Variants in FANCD2 observed in about 807,000 individuals in gnomAD.
The protein encoded by FANCD2 is FA complementation group D2.
Under a neutral mutation model 192.3 loss-of-function variants are expected in FANCD2, and 131 were observed. The ratio of observed to expected loss-of-function variants is 0.68; its 90% CI spans 0.59 to 0.79. The LOEUF is 0.79. FANCD2 is among the 30% of genes least tolerant of loss of function. The pLI is 0.00. For synonymous variants in FANCD2, 524 were observed against 612.5 expected, an observed-to-expected ratio of 0.86 and a Z score of 2.13; for missense variants, 1,508 against 1,701.6, an observed-to-expected ratio of 0.89 and a Z score of 2.00.
intron 9 of FANCD2, 174 bp downstream of exon 9, chr3:10,040,019 G>T: frequency 3.5e-6 from 2 of 569,224 alleles, no homozygotes; most frequent in Non-Finnish European, 6.0e-6. Flanking sequence ...TATTTGAATA[G>T]ATCCACATAC....
chr3:10,101,374 C>CCA lies in FANCD2; in HGVS notation c.*113_*114insAC. On this transcript the variant is annotated 3_prime_UTR_variant, in exon 44 of 44. Transcript: ENST00000675286. Reference sequence around the variant, plus strand: ...CTTACTGGTAGGATCCTTTTTTGTTCCTCTTTTTTTTTTTTTTTTTTTTTT... The same window carrying CCA: ...CTTACTGGTAGGATCCTTTTTTGTTCCACTCTTTTTTTTTTTTTTTTTTTTTT... 1 of 577,312 alleles carries CCA rather than the reference C, an allele frequency of 1.7e-6. No individual in the cohort carries two copies. The highest frequency in any genetic ancestry group is 3.0e-6 in the Non-Finnish European group (1 of 337,848). The allele number at this position is 577,312 out of a possible 1,614,324, so 35.8% of individuals were successfully genotyped here. A position where few individuals can be genotyped will look rare whatever the true frequency, so the allele number is the denominator to read the frequency against.
At chr3:10,088,805 C>A in intron 35 of FANCD2, 23 bp from the exon 36 acceptor site, 4 of 1,613,346 alleles carry the variant, frequency 2.5e-6, no homozygotes, top group Non-Finnish European at 3.4e-6. Context: ...ATTAGTGGGT[C>A]AAATATTTGA....
At chr3:10,031,627 C>A (rs7648104) in intron 2 of FANCD2, among the ~76,000 whole-genome samples, 29,969 of 151,768 alleles carry the variant, frequency 0.2, 3,463 homozygotes, top group African/African-American at 0.32. Flanking sequence ...TTTCTTATTT[C>A]TTTTTATGGG....
chr3:10,037,207 C>T (rs893089405), intron 7 of FANCD2, among the ~76,000 whole-genome samples: 5 of 151,932 alleles, frequency 3.3e-5, no homozygotes, highest in Non-Finnish European at 7.4e-5. Context: ...AGACAGTTTA[C>T]AAAGAAGAAA....
intron 34 of FANCD2, 60 bp downstream of exon 34, chr3:10,087,324 A>T (rs2125073581): frequency 3.3e-6 from 5 of 1,501,074 alleles, no homozygotes; most frequent in African/African-American, 1.5e-5. Context: ...AATATCTCAC[A>T]CTTACAAACT....
intron 36 of FANCD2, among the ~76,000 whole-genome samples, chr3:10,090,003 A>G (rs906854943): frequency 2.0e-5 from 3 of 152,230 alleles, no homozygotes; most frequent in African/African-American, 7.2e-5. Flanking sequence ...ACGTGCAATA[A>G]AATAAACATA....
chr3:10,035,158 C>A lies in FANCD2; in HGVS notation c.378-15C>A, dbSNP rs749060270. ...GGAAAGCAAAGTGGAAAACAGATTT[C>A]TTTTTTTTTTACAGTATGGGTGCAT... On this transcript the variant is annotated splice_polypyrimidine_tract_variant and intron_variant, in intron 5 of 43. Transcript: ENST00000675286. The A allele has an allele frequency of 4.2e-6, 6 of 1,435,768 alleles. No homozygotes were observed. Among genetic ancestry groups the A allele is most frequent in the Non-Finnish European group, 5.7e-6 (6 of 1,046,336 alleles). The allele number at this position is 1,435,768 out of a possible 1,614,324, so 88.9% of individuals were successfully genotyped here. A position where few individuals can be genotyped will look rare whatever the true frequency, so the allele number is the denominator to read the frequency against.
At chr3:10,096,211 G>A (rs935735430) in intron 41 of FANCD2, 115 bp from the exon 42 acceptor site, 26 of 1,013,936 alleles carry the variant, frequency 2.6e-5, no homozygotes, top group African/African-American at 4.7e-5. Context: ...GGAACATACC[G>A]TTGGCCCATA....
At chr3:10,078,294 T>C (rs1483346944) in intron 30 of FANCD2, 97 bp downstream of exon 30, 2 of 812,304 alleles carry the variant, frequency 2.5e-6, no homozygotes, top group Non-Finnish European at 4.4e-6. Flanking sequence ...GGCATTGTGT[T>C]TGGGTCACTG....
At chr3:10,041,496 C>T (rs1049401642) in intron 9 of FANCD2, 127 bp from the exon 10 acceptor site, 45 of 706,008 alleles carry the variant, frequency 6.4e-5, no homozygotes, top group African/African-American at 2.7e-4. Context: ...ATACTATAAA[C>T]GGTAACTTAA....
chr3:10,079,882 C>T (rs1693737532), intron 30 of FANCD2, among the ~76,000 whole-genome samples: 1 of 151,494 alleles, frequency 6.6e-6, no homozygotes, highest in Admixed American at 6.6e-5. Context: ...TAATATATCC[C>T]GTTTCTTGGT....
Position 10,096,461 on chromosome 3 carries a change from C to T in FANCD2, c.4174C>T (p.Arg1392Trp), listed in dbSNP as rs368195150. 9 of 1,614,010 alleles carry T rather than the reference C, an allele frequency of 5.6e-6. No homozygotes were observed. The highest frequency in any genetic ancestry group is 6.8e-6 in the Non-Finnish European group (8 of 1,179,966). The change falls in exon 42 of 44, where the codon CGG (arginine) becomes TGG (tryptophan). Residue 1392 changes from arginine to tryptophan, a missense_variant. Physicochemically the swap from Arg to Trp is moderately radical, Grantham distance 101 (BLOSUM62 -3). Transcript: ENST00000675286. ...EAFWLGNLKNRDLQGEEIKSQ... is the reference protein window; with the variant it reads ...EAFWLGNLKNWDLQGEEIKSQ... The stretch of plus-strand genomic sequence containing the variant: ...TTTCTGGCTGGGCAATCTAAAAAAC[C>T]GGGACTTGCAGGTAAGCCTTGGATC...
intron 9 of FANCD2, 196 bp from the exon 10 acceptor site, chr3:10,041,427 T>G (rs1296205098): frequency 1.4e-5 from 7 of 514,006 alleles, no homozygotes; most frequent in African/African-American, 9.6e-5. Flanking sequence ...CTTTTATTAT[T>G]TGAATTTTTA....
At chr3:10,060,781 T>C (rs146905349) in intron 19 of FANCD2, among the ~76,000 whole-genome samples, 31 of 152,326 alleles carry the variant, frequency 2.0e-4, no homozygotes, top group African/African-American at 7.5e-4. Flanking sequence ...ACTTTATACA[T>C]TTGATACAAA....
chr3:10,042,355 C>T (rs2086886941), intron 10 of FANCD2, among the ~76,000 whole-genome samples: 1 of 152,084 alleles, frequency 6.6e-6, no homozygotes, highest in Admixed American at 6.6e-5. Context: ...ACATTTATTG[C>T]CCGTCTATTT....
chr3:10,068,387 A>G (rs1324166580), intron 26 of FANCD2, among the ~76,000 whole-genome samples: 1 of 152,180 alleles, frequency 6.6e-6, no homozygotes, highest in Non-Finnish European at 1.5e-5. Flanking sequence ...TACAATAGCT[A>G]CAAATAAAAT....
intron 23 of FANCD2, among the ~76,000 whole-genome samples, 188 bp from the exon 24 acceptor site, chr3:10,065,206 T>G (rs2087684081): frequency 6.6e-6 from 1 of 152,174 alleles, no homozygotes; most frequent in African/African-American, 2.4e-5. Context: ...GGATAATTGC[T>G]TGAACCTGGG....
In FANCD2 at chr3:10,042,672, T is replaced by C. The variant is rs777620616; in HGVS notation, c.888+9T>C. The C allele has an allele frequency of 2.7e-5, 44 of 1,603,882 alleles. No individual in the cohort carries two copies. The African/African-American group carries it at 5.6e-4, about 20-fold the overall frequency. ...CCATGGATACACTTGAGGTATGCTC[T>C]TATATCCCATCACACCTAGATAAAG... On this transcript the variant is annotated intron_variant, in intron 11 of 43. Transcript: ENST00000675286.
In FANCD2 at chr3:10,096,348, C is replaced by T; in HGVS notation, c.4061C>T (p.Thr1354Ile). 2 of 1,614,078 alleles carry T rather than the reference C, an allele frequency of 1.2e-6. No individual in the cohort carries two copies. Among genetic ancestry groups the T allele is most frequent in the African/African-American group, 1.3e-5 (1 of 75,034 alleles). ...HSKIHQDTRL[T>I]QHVPLLKKTL... Reference sequence around the variant, plus strand: ...CAGATTCACCAGGACACGAGACTCACCCAACATGTGCCTCTGCTCAAAAAG... The same window carrying T: ...CAGATTCACCAGGACACGAGACTCATCCAACATGTGCCTCTGCTCAAAAAG... The change falls in exon 42 of 44, where the codon ACC becomes ATC. Residue 1354 changes from threonine to isoleucine, a missense_variant. Thr to Ile is a moderately conservative substitution (Grantham distance 89). Coordinates refer to ENST00000675286, the MANE Select transcript of FANCD2 (RefSeq NM_001018115.3).
Sources: allele counts gnomAD v4.1 joint callset (sites outside exome capture counted in the v4.1 genomes callset), GRCh38; gene constraint gnomAD v4.1.1; transcripts MANE v1.5; gene names NCBI Gene and HGNC (gene_info 2026-07-23, HGNC 2026-07-21).